ARHGAP27: variants seen among roughly 807,000 people sequenced by gnomAD.
ARHGAP27 encodes Rho GTPase activating protein 27, also known as rho GTPase-activating protein 27.
In ARHGAP27, 53 loss-of-function variants were observed where a neutral mutation model predicts 102.0. That is an observed-to-expected ratio of 0.52 (90% CI 0.42 to 0.65). The LOEUF (loss-of-function observed/expected upper bound fraction) is 0.65, where lower values mean the gene tolerates loss of function less well. Ranked by LOEUF, ARHGAP27 falls within the 30% of genes least tolerant of loss-of-function variation. ARHGAP27 has a pLI of 0.00. For missense variants in ARHGAP27, 1,117 were observed against 1,256.2 expected (o/e 0.89, Z 1.68); for synonymous variants, 525 against 542.8 (o/e 0.97, Z 0.46).
chr17:45,404,009 G>C lies in ARHGAP27; in HGVS notation c.1547+20C>G. 1 of 1,613,554 alleles carries C rather than the reference G, an allele frequency of 6.2e-7. No individual in the cohort carries two copies. The highest frequency in any genetic ancestry group is 8.5e-7 in the Non-Finnish European group (1 of 1,179,784). The stretch of plus-strand genomic sequence containing the variant: ...ACCAAGGCCCACCCTGCCCCGGCCT[G>C]AGTGTAGATGGGCTCTCACCGGAGC... On this transcript the variant is annotated intron_variant, in intron 10 of 19. Transcript: ENST00000685559.
In ARHGAP27 at chr17:45,396,251, C is replaced by G; in HGVS notation, c.2207G>C (p.Gly736Ala). ...TAGCTTCTGGATGGTGGCCAGGTTTCCACTGATGCGGTACAGCCCGTCGAT... is the reference window on the plus strand; with the variant it reads ...TAGCTTCTGGATGGTGGCCAGGTTTGCACTGATGCGGTACAGCCCGTCGAT... The part of the protein sequence containing the change: ...LDIDGLYRIS[G>A]NLATIQKLRY... Residue 736 changes from glycine (G) to alanine (A), a missense_variant, in exon 17 of 20, where the codon GGA becomes GCA. By Grantham distance (60) the Gly-to-Ala change is moderately conservative (BLOSUM62 0). Around this residue, in one of 3 missense-constraint regions of ARHGAP27, gnomAD observed 493 missense variants for 505.5 expected, o/e 0.98. Coordinates refer to ENST00000685559, the MANE Select transcript of ARHGAP27 (RefSeq NM_001282290.2). 6.2e-7 allele frequency: 1 copy of G among 1,613,530 alleles called. No individual in the cohort carries two copies. Among genetic ancestry groups the G allele is most frequent in the Non-Finnish European group, 8.5e-7 (1 of 1,179,752 alleles).
chr17:45,396,384 C>G, intron 16 of ARHGAP27, 100 bp from the exon 17 acceptor site: 1 of 1,469,720 alleles, frequency 6.8e-7, no homozygotes, highest in Non-Finnish European at 9.0e-7. Context: ...CCGTACTTTC[C>G]CCCTGGACCC....
intron 4 of ARHGAP27, 132 bp downstream of exon 4, chr17:45,429,491 T>C: frequency 6.6e-7 from 1 of 1,505,512 alleles, no homozygotes; most frequent in Non-Finnish European, 8.7e-7. Context: ...AGGGAGCTCA[T>C]CCGAAGTCTT....
chr17:45,419,887 G>A (rs1420962247), intron 4 of ARHGAP27, among the ~76,000 whole-genome samples: 1 of 152,118 alleles, frequency 6.6e-6, no homozygotes, highest in African/African-American at 2.4e-5. Flanking sequence ...AATCTTACTG[G>A]AAAGAGAAAT....
intron 4 of ARHGAP27, among the ~76,000 whole-genome samples, chr17:45,412,767 C>T (rs1045341930): frequency 2.0e-5 from 3 of 152,034 alleles, no homozygotes; most frequent in Non-Finnish European, 2.9e-5. Context: ...GGGGCAGGAT[C>T]GGAGGAGCTG....
At chr17:45,419,839 A>G (rs1434322570) in intron 4 of ARHGAP27, among the ~76,000 whole-genome samples, 3 of 152,068 alleles carry the variant, frequency 2.0e-5, no homozygotes, top group Non-Finnish European at 4.4e-5. Context: ...CAGAAAAAAA[A>G]GGGGGGGAAC....
chr17:45,404,126 G>A, intron 9 of ARHGAP27, 30 bp from the exon 10 acceptor site: 1 of 1,613,634 alleles, frequency 6.2e-7, no homozygotes, highest in Non-Finnish European at 8.5e-7. Flanking sequence ...GCAGGCGCAA[G>A]AGTGTGTAGT....
intron 4 of ARHGAP27, among the ~76,000 whole-genome samples, chr17:45,419,213 A>G (rs1226605642): frequency 6.6e-6 from 1 of 152,172 alleles, no homozygotes; most frequent in Non-Finnish European, 1.5e-5. Context: ...CTGGCTGCCC[A>G]TCCAGAGATA....
In ARHGAP27 at chr17:45,396,474, G is replaced by A. The variant is rs540748930; in HGVS notation, c.2173+13C>T. 17 of 1,523,034 alleles carry A rather than the reference G, an allele frequency of 1.1e-5. No homozygotes were observed. The African/African-American group carries it at 2.1e-4, about 18-fold the overall frequency. The allele number at this position is 1,523,034 out of a possible 1,614,324, so 94.3% of individuals were successfully genotyped here. A position where few individuals can be genotyped will look rare whatever the true frequency, so the allele number is the denominator to read the frequency against. On this transcript the variant is annotated intron_variant, in intron 16 of 19. Coordinates refer to ENST00000685559, the MANE Select transcript of ARHGAP27 (RefSeq NM_001282290.2). Reference sequence around the variant, plus strand: ...CCCAATGCCTGCCGCCCTCACCCCCGCAGCGCACGTACCGCGGGCCTCGAC... The same window carrying A: ...CCCAATGCCTGCCGCCCTCACCCCCACAGCGCACGTACCGCGGGCCTCGAC...
rs762688306 is a variant in ARHGAP27 at position 45,430,130 on chromosome 17, A to G, written c.150T>C (p.Arg50=). 3 of 1,527,040 alleles carry G rather than the reference A, an allele frequency of 2.0e-6. No individual in the cohort carries two copies. The highest frequency in any genetic ancestry group is 2.0e-5 in the Admixed American group (1 of 49,614). The allele number at this position is 1,527,040 out of a possible 1,614,324, so 94.6% of individuals were successfully genotyped here. A position where few individuals can be genotyped will look rare whatever the true frequency, so the allele number is the denominator to read the frequency against. Residue 50 remains arginine, a synonymous_variant, in exon 4 of 20, where the codon CGT becomes CGC. Transcript: ENST00000685559. The surrounding 1 kb of genome is among the most constrained non-coding windows in gnomAD (Gnocchi z 4.4). ...GGTAGAAGGGGCGGCCGCCGGGCTCACGCCGCACGTGCCACCAGTGCTCGG... is the reference window on the plus strand; with the variant it reads ...GGTAGAAGGGGCGGCCGCCGGGCTCGCGCCGCACGTGCCACCAGTGCTCGG... ...RSTEHWWHVR[R]EPGGRPFYLP...
Position 45,414,394 on chromosome 17 carries a change from A to G in ARHGAP27, c.658-8311T>C, listed in dbSNP as rs190141385. On this transcript the variant is annotated intron_variant, in intron 4 of 19. Transcript: ENST00000685559. ...AATTTCCAACCCTTCCTTTCTGACT[A>G]CCTTTGTCCCTTTCTCATTTCAACA... 4.4e-4 allele frequency among the ~76,000 whole-genome samples: 65 copies of G among 148,216 alleles called. 2 individuals are homozygous for G. The highest frequency in any genetic ancestry group is 2.4e-3 in the Admixed American group (36 of 14,908).
At chr17:45,432,588 C>T (rs997797593) in intron 1 of ARHGAP27, among the ~76,000 whole-genome samples, 164 bp downstream of exon 1, 1 of 152,138 alleles carries the variant, frequency 6.6e-6, no homozygotes. Flanking sequence ...CAGCTCCCGC[C>T]CCAGCGCGGA....
intron 4 of ARHGAP27, among the ~76,000 whole-genome samples, chr17:45,422,007 A>C (rs1439580275): frequency 1.3e-5 from 2 of 152,112 alleles, no homozygotes; most frequent in African/African-American, 4.8e-5. Flanking sequence ...CTCTACTAAA[A>C]ATACAAAAAT....
chr17:45,405,581 AC>A, intron 5 of ARHGAP27, 94 bp downstream of exon 5: 2 of 1,300,722 alleles, frequency 1.5e-6, no homozygotes, highest in Non-Finnish European at 1.0e-6. Context: ...ACCCATCACC[AC>A]CCCCTCACCC....
At chr17:45,422,553 G>A (rs1317549947) in intron 4 of ARHGAP27, among the ~76,000 whole-genome samples, 2 of 152,168 alleles carry the variant, frequency 1.3e-5, no homozygotes, top group Non-Finnish European at 2.9e-5. Flanking sequence ...ATAAACAATA[G>A]AAGGGTGAAA....
In ARHGAP27 at chr17:45,396,079, C is replaced by A; in HGVS notation, c.2290G>T (p.Val764Phe). 6.2e-7 allele frequency: 1 copy of A among 1,613,788 alleles called. No individual in the cohort carries two copies. Among genetic ancestry groups the A allele is most frequent in the South Asian group, 1.1e-5 (1 of 91,060 alleles). The change falls in exon 18 of 20, where the codon GTC becomes TTC. Residue 764 changes from valine to phenylalanine, a missense_variant. Coordinates refer to ENST00000685559, the MANE Select transcript of ARHGAP27 (RefSeq NM_001282290.2). ...LDLDDGRWEDVHVITGALKLF... is the reference protein window; with the variant it reads ...LDLDDGRWEDFHVITGALKLF... ...TTCAGGGCTCCGGTGATAACGTGGA[C>A]GTCCTCCCAGCGCCCGTCATCCAGG...
chr17:45,408,907 C>G (rs2047553541), intron 4 of ARHGAP27: 2 of 152,278 alleles, frequency 1.3e-5, no homozygotes, highest in South Asian at 4.1e-4. Context: ...GAGAGCAAGA[C>G]TAAGGATAAT....
intron 12 of ARHGAP27, among the ~76,000 whole-genome samples, chr17:45,400,443 CT>C (rs2046304191): frequency 6.6e-6 from 1 of 152,182 alleles, no homozygotes; most frequent in Non-Finnish European, 1.5e-5. Context: ...CCATTCAGGC[CT>C]GCCCACCTTC....
At chr17:45,404,205 G>C (rs999600988) in intron 9 of ARHGAP27, 64 bp downstream of exon 9, 19 of 1,610,380 alleles carry the variant, frequency 1.2e-5, no homozygotes, top group Non-Finnish European at 1.4e-5. Flanking sequence ...GTCTGGGCCC[G>C]TGTCTCCACT....
Sources: gnomAD v4.1 joint callset for allele counts (sites outside exome capture counted in the v4.1 genomes callset) on GRCh38, gnomAD v4.1.1 for gene constraint, gnomAD v4.1.1 regional missense constraint, Gnocchi (gnomAD v3.1) non-coding constraint, MANE v1.5 for transcripts, NCBI Gene and HGNC (gene_info 2026-07-23, HGNC 2026-07-21) for gene names.